Variants in NRG1 observed in about 807,000 individuals in gnomAD.
NRG1 encodes pro-neuregulin-1, membrane-bound isoform.
Under a neutral mutation model 63.8 loss-of-function variants are expected in NRG1, and 18 were observed. That is an observed-to-expected ratio of 0.28 (90% CI 0.19 to 0.42). NRG1 has a LOEUF of 0.42. NRG1 is among the 10% of genes least tolerant of loss of function. The pLI is 1.00. For synonymous variants in NRG1, 302 were observed against 301.3 expected, an observed-to-expected ratio of 1.00 and a Z score of -0.02; for missense variants, 762 against 814.7, an observed-to-expected ratio of 0.94 and a Z score of 0.79.
intron 1 of NRG1, chr8:32,136,676 C>T (rs1230195560): frequency 1.3e-5 from 2 of 152,174 alleles, no homozygotes; most frequent in Non-Finnish European, 2.9e-5. Flanking sequence ...TCTTCACTGA[C>T]AATGGCACCC....
chr8:31,861,846 G>A (rs867552508), intron 1 of NRG1, among the ~76,000 whole-genome samples: 11 of 152,080 alleles, frequency 7.2e-5, no homozygotes, highest in African/African-American at 2.4e-4. Flanking sequence ...ATCATTTTAG[G>A]TGATAGATTT....
At chr8:32,661,547 T>C (rs1422606470) in intron 5 of NRG1, among the ~76,000 whole-genome samples, 1 of 151,976 alleles carries the variant, frequency 6.6e-6, no homozygotes, top group Non-Finnish European at 1.5e-5. Context: ...AATTGTGAAA[T>C]GACTGGGTCT....
At chr8:32,660,402 A>G (rs1340482964) in intron 5 of NRG1, among the ~76,000 whole-genome samples, 1 of 152,234 alleles carries the variant, frequency 6.6e-6, no homozygotes, top group Non-Finnish European at 1.5e-5. Context: ...GAGGAAGAAA[A>G]TAATCTGAAA....
intron 1 of NRG1, among the ~76,000 whole-genome samples, chr8:32,267,167 A>AGG: frequency 6.9e-6 from 1 of 144,508 alleles, no homozygotes; most frequent in Non-Finnish European, 1.5e-5. Context: ...AGGAAGGAGA[A>AGG]AGAAGGAAGG....
At chr8:32,244,091 G>C (rs1586341216) in intron 1 of NRG1, among the ~76,000 whole-genome samples, 1 of 152,252 alleles carries the variant, frequency 6.6e-6, no homozygotes, top group Admixed American at 6.5e-5. Flanking sequence ...GATCCCATTG[G>C]TAGTGCTCAG....
intron 1 of NRG1, among the ~76,000 whole-genome samples, chr8:31,926,832 C>G (rs994788659): frequency 2.0e-5 from 3 of 152,130 alleles, no homozygotes; most frequent in African/African-American, 7.2e-5. Context: ...GGCTTCATCA[C>G]TGTACTTCTT....
chr8:32,025,330 C>G (rs1038528357), intron 1 of NRG1, among the ~76,000 whole-genome samples: 2 of 151,808 alleles, frequency 1.3e-5, no homozygotes, highest in Non-Finnish European at 2.9e-5. Context: ...CTCACAATTA[C>G]CATTAGATAC....
At chr8:32,134,849 T>G (rs546575994) in intron 1 of NRG1, among the ~76,000 whole-genome samples, 1 of 152,150 alleles carries the variant, frequency 6.6e-6, no homozygotes, top group East Asian at 1.9e-4. Context: ...TCCACTGCAC[T>G]CCAGCCTGGG....
intron 1 of NRG1, among the ~76,000 whole-genome samples, chr8:32,179,938 A>G (rs1841255964): frequency 6.6e-6 from 1 of 152,102 alleles, no homozygotes; most frequent in East Asian, 1.9e-4. Context: ...CCAACAGGCA[A>G]CTAAAGATGT....
At chr8:32,507,059 C>A (rs1222229829) in intron 1 of NRG1, among the ~76,000 whole-genome samples, 1 of 152,014 alleles carries the variant, frequency 6.6e-6, no homozygotes, top group African/African-American at 2.4e-5. Flanking sequence ...TAGGGGTGAA[C>A]CTGGCATGGT....
intron 1 of NRG1, among the ~76,000 whole-genome samples, chr8:31,882,890 T>C (rs1830457058): frequency 6.6e-6 from 1 of 152,140 alleles, no homozygotes; most frequent in African/African-American, 2.4e-5. Context: ...ATAAGTTTTC[T>C]TGAGATGGAA....
chr8:32,607,747 C>G (rs1310715108), intron 3 of NRG1, among the ~76,000 whole-genome samples: 4 of 152,024 alleles, frequency 2.6e-5, no homozygotes, highest in Non-Finnish European at 4.4e-5. Context: ...AGAGATGAAA[C>G]TCGAGGTGTT....
At chr8:31,685,359 T>C (rs892909493) in intron 1 of NRG1, among the ~76,000 whole-genome samples, 3 of 152,208 alleles carry the variant, frequency 2.0e-5, no homozygotes, top group Non-Finnish European at 2.9e-5. Flanking sequence ...CAGATGTTTT[T>C]ATAAAAAGGA....
In NRG1 at chr8:32,149,129, C is replaced by A. The variant is rs149890574; in HGVS notation, c.38-446699C>A. Among the ~76,000 whole-genome samples, 1,480 of 152,234 alleles carry A rather than the reference C, an allele frequency of 9.7e-3. 23 individuals are homozygous for A. Among genetic ancestry groups the A allele is most frequent in the Non-Finnish European group, 8.8e-3 (598 of 68,032 alleles). On this transcript the variant is annotated intron_variant, in intron 1 of 10. Transcript: ENST00000519301. Reference sequence around the variant, plus strand: ...CAAAGTGGGACTAATGAAATTTTTCCTGCTTCTCCAAAAGATAATTTTAGT... The same window carrying A: ...CAAAGTGGGACTAATGAAATTTTTCATGCTTCTCCAAAAGATAATTTTAGT...
In NRG1 at chr8:32,034,227, G is replaced by T. The variant is rs190120963; in HGVS notation, c.37+394796G>T. 5.8e-3 allele frequency among the ~76,000 whole-genome samples: 883 copies of T among 152,200 alleles called. 11 individuals are homozygous for T. Among genetic ancestry groups the T allele is most frequent in the African/African-American group, 0.02 (848 of 41,532 alleles). ...AATAATCATGTGGTTTTTGTCATTGGTTCTGTTTATGTGATGAATTATGTT... is the reference window on the plus strand; with the variant it reads ...AATAATCATGTGGTTTTTGTCATTGTTTCTGTTTATGTGATGAATTATGTT... On this transcript the variant is annotated intron_variant, in intron 1 of 10. Transcript: ENST00000519301.
intron 1 of NRG1, among the ~76,000 whole-genome samples, chr8:32,027,466 T>TTCCC (rs71208162): frequency 1.8e-4 from 11 of 60,858 alleles, no homozygotes; most frequent in African/African-American, 8.8e-4. Context: ...CCTTCCTTCC[T>TTCCC]TCCCTCCCTC....
At position 32,742,587 on chromosome 8, in the gene NRG1, G is replaced by A; in HGVS notation, c.633-88G>A. 1 of 1,228,052 alleles carries A rather than the reference G, an allele frequency of 8.1e-7. No homozygotes were observed. The allele number at this position is 1,228,052 out of a possible 1,614,324, so 76.1% of individuals were successfully genotyped here. A position where few individuals can be genotyped will look rare whatever the true frequency, so the allele number is the denominator to read the frequency against. ...TGAACTCACCAAGTTTCAGTCAAAT[G>A]ACACTGAAGGAGCTTCTTTCTAGCA... is the stretch of plus-strand genomic sequence containing the variant. On this transcript the variant is annotated intron_variant, in intron 6 of 11. Transcript: ENST00000356819. This position sits in a 1 kb window ranked among gnomAD's most constrained non-coding sequence, Gnocchi z 4.2.
Position 32,356,536 on chromosome 8 carries a change from G to C in NRG1, c.38-239292G>C, listed in dbSNP as rs1157810790. ...TCCTAAATGTTCTCTTGACATCTTG[G>C]ATTTACCATAGAGCCTAGTACTGTC... is the stretch of plus-strand genomic sequence containing the variant. On this transcript the variant is annotated intron_variant, in intron 1 of 10. Transcript: ENST00000519301. Among the ~76,000 whole-genome samples the C allele has an allele frequency of 1.3e-4, 19 of 143,372 alleles. No individual in the cohort carries two copies. In the Admixed American group the frequency reaches 1.4e-3, roughly 11 times the overall value. 94.1% of individuals were successfully genotyped at this position (143,372 alleles called of 152,430 possible).
rs1027828622 is a variant in NRG1 at position 32,316,260 on chromosome 8, G to C, written c.38-279568G>C. Among the ~76,000 whole-genome samples the C allele has an allele frequency of 4.6e-5, 7 of 152,140 alleles. No homozygotes were observed. In the East Asian group the frequency reaches 1.4e-3, roughly 29 times the overall value. ...TGGGAGGCCGAGGTGGGCAGATCAG[G>C]AAGTCCAGAGATCAAGACCATTCTG... On this transcript the variant is annotated intron_variant, in intron 1 of 10. Transcript: ENST00000519301.
Sources: allele counts gnomAD v4.1 joint callset (sites outside exome capture counted in the v4.1 genomes callset), GRCh38; gene constraint gnomAD v4.1.1; non-coding constraint Gnocchi (gnomAD v3.1); transcripts MANE v1.5; gene names NCBI Gene and HGNC (gene_info 2026-07-23, HGNC 2026-07-21).